CEP63: variants seen among roughly 807,000 people sequenced by gnomAD.
The protein encoded by CEP63 is centrosomal protein 63.
A neutral mutation model predicts 89.1 loss-of-function variants in CEP63; 84 were observed. The ratio of observed to expected loss-of-function variants is 0.94; its 90% CI spans 0.79 to 1.13. CEP63 has a LOEUF of 1.13. CEP63 is among the 50% of genes most tolerant of loss of function. The probability of loss-of-function intolerance (pLI) is 0.00; values close to 1 mark genes in which losing one functional copy is unlikely to be tolerated. For synonymous variants in CEP63, 267 were observed against 272.5 expected (o/e 0.98, Z 0.20); for missense variants, 838 against 813.3 (o/e 1.03, Z -0.37).
At chr3:134,724,604 T>C in the CEP63 span, among the ~76,000 whole-genome samples, 1 of 152,238 alleles carries the variant, frequency 6.6e-6, no homozygotes, top group African/African-American at 2.4e-5. Flanking sequence ...GATTATCTTC[T>C]GGCTATTAGG....
the CEP63 span, among the ~76,000 whole-genome samples, chr3:134,777,077 G>T: frequency 1.3e-5 from 2 of 152,206 alleles, no homozygotes; most frequent in Non-Finnish European, 2.9e-5. Flanking sequence ...AAGGAAAGAA[G>T]TGACAAACAC....
At chr3:134,668,013 A>G in the CEP63 span, among the ~76,000 whole-genome samples, 2 of 152,220 alleles carry the variant, frequency 1.3e-5, no homozygotes, top group African/African-American at 4.8e-5. Flanking sequence ...CTCCAGATGT[A>G]TCTGCCCTGG....
rs146075865 is a variant in CEP63, at chr3:134,530,829, T to C, written c.223-1016T>C. ...GAATTGCATTTAGTCCTCATTCTTATAAGTAGCTTATTTCTAGTACTTTAA... is the reference window on the plus strand; with the variant it reads ...GAATTGCATTTAGTCCTCATTCTTACAAGTAGCTTATTTCTAGTACTTTAA... On this transcript the variant is annotated intron_variant, in intron 3 of 14. Transcript: ENST00000675561. 2.0e-5 allele frequency among the ~76,000 whole-genome samples: 3 copies of C among 152,368 alleles called. No individual in the cohort carries two copies. The East Asian group carries it at 5.8e-4, about 29-fold the overall frequency.
chr3:134,631,922 A>G, the CEP63 span, among the ~76,000 whole-genome samples: 2 of 152,136 alleles, frequency 1.3e-5, no homozygotes, highest in Non-Finnish European at 2.9e-5. Context: ...AGATTAAACT[A>G]TATTCACTTT....
chr3:134,500,625 G>C, intron 2 of CEP63, among the ~76,000 whole-genome samples: 1 of 152,056 alleles, frequency 6.6e-6, no homozygotes, highest in Non-Finnish European at 1.5e-5. Flanking sequence ...TTTAATAATA[G>C]CCATTCTGAC....
downstream of CEP63, among the ~76,000 whole-genome samples, chr3:134,575,580 C>T (rs576301646): frequency 2.1e-5 from 3 of 143,652 alleles, no homozygotes; most frequent in African/African-American, 7.7e-5. Flanking sequence ...CCTCTTCCTC[C>T]CTCCCTCCCT....
the CEP63 span, among the ~76,000 whole-genome samples, chr3:134,672,135 A>G: frequency 6.6e-6 from 1 of 152,226 alleles, no homozygotes; most frequent in South Asian, 2.1e-4. Context: ...TGATTATATC[A>G]TTGGCCACCA....
intron 12 of CEP63, among the ~76,000 whole-genome samples, chr3:134,557,434 A>C (rs1956458197): frequency 7.2e-6 from 1 of 139,686 alleles, no homozygotes; most frequent in Non-Finnish European, 1.5e-5. Flanking sequence ...CCATGGTATT[A>C]AACTCCAAAG....
intron 10 of CEP63, among the ~76,000 whole-genome samples, chr3:134,549,479 C>A (rs938145266): frequency 2.0e-5 from 3 of 151,802 alleles, no homozygotes; most frequent in Non-Finnish European, 4.4e-5. Context: ...CTGTTGCTTG[C>A]AAAAAAATAT....
intron 5 of CEP63, chr3:134,536,500 T>C (rs1346081841): frequency 6.5e-6 from 1 of 153,712 alleles, no homozygotes; most frequent in Non-Finnish European, 1.4e-5. Flanking sequence ...TCATGCAATT[T>C]GATGTTACTA....
At chr3:134,520,674 A>C (rs1947247514) in intron 3 of CEP63, among the ~76,000 whole-genome samples, 1 of 152,172 alleles carries the variant, frequency 6.6e-6, no homozygotes, top group Non-Finnish European at 1.5e-5. Context: ...GTGGTATTGC[A>C]AGGATAGAAA....
At chr3:134,572,715 G>A (rs773856311) in intron 11 of CEP63, among the ~76,000 whole-genome samples, 3 of 152,088 alleles carry the variant, frequency 2.0e-5, no homozygotes, top group East Asian at 1.9e-4. Flanking sequence ...AATGCTGAAC[G>A]TATGAGTTTA....
the CEP63 span, among the ~76,000 whole-genome samples, chr3:134,739,840 A>G: frequency 6.6e-6 from 1 of 152,140 alleles, no homozygotes; most frequent in Non-Finnish European, 1.5e-5. Context: ...AAAGTACCCT[A>G]AGTAATTCAG....
chr3:134,605,334 A>G, the CEP63 span, among the ~76,000 whole-genome samples: 1 of 152,070 alleles, frequency 6.6e-6, no homozygotes, highest in Non-Finnish European at 1.5e-5. Flanking sequence ...TCCCAGCCCC[A>G]GCAACCTCCC....
downstream of CEP63, among the ~76,000 whole-genome samples, chr3:134,576,263 C>A (rs1052379054): frequency 4.6e-5 from 7 of 152,158 alleles, no homozygotes; most frequent in African/African-American, 1.4e-4. Flanking sequence ...TTGATTAATG[C>A]TTAAACATAC....
chr3:134,519,080 G>A (rs572599926), intron 3 of CEP63, among the ~76,000 whole-genome samples: 1 of 151,450 alleles, frequency 6.6e-6, no homozygotes, highest in South Asian at 2.1e-4. Context: ...GGAAAGCACA[G>A]CATACAAGAA....
At chr3:134,678,653 G>C in the CEP63 span, among the ~76,000 whole-genome samples, 2 of 152,268 alleles carry the variant, frequency 1.3e-5, no homozygotes, top group South Asian at 4.2e-4. Flanking sequence ...TTCTATAAGT[G>C]TCCTCATTTT....
the CEP63 span, among the ~76,000 whole-genome samples, chr3:134,772,657 A>G: frequency 4.5e-4 from 69 of 152,110 alleles, no homozygotes; most frequent in African/African-American, 1.4e-3. Flanking sequence ...GTCTCTGCCA[A>G]CTGCACATGT....
the CEP63 span, among the ~76,000 whole-genome samples, chr3:134,714,248 C>T: frequency 1.2e-4 from 19 of 152,160 alleles, 1 homozygote; most frequent in South Asian, 1.9e-3. Context: ...TAGACGAGGT[C>T]AAAGAAAACA....
Sources: gnomAD v4.1 joint callset for allele counts (sites outside exome capture counted in the v4.1 genomes callset) on GRCh38, gnomAD v4.1.1 for gene constraint, MANE v1.5 for transcripts, NCBI Gene and HGNC (gene_info 2026-07-23, HGNC 2026-07-21) for gene names.